Variants in PATZ1 observed in about 807,000 individuals in gnomAD.
The protein encoded by PATZ1 is POZ/BTB and AT hook containing zinc finger 1.
Under a neutral mutation model 46.2 loss-of-function variants are expected in PATZ1, and 9 were observed. That is an observed-to-expected ratio of 0.19 (90% CI 0.12 to 0.34). The LOEUF is 0.34. Ranked by LOEUF, PATZ1 falls within the 10% of genes least tolerant of loss-of-function variation. The pLI is 1.00. For missense variants in PATZ1, 632 were observed against 923.0 expected (o/e 0.68, Z 4.08); for synonymous variants, 426 against 378.6 (o/e 1.13, Z -1.45).
rs1460875506 is a variant in PATZ1, at chr22:31,345,314, C to T, written c.289G>A (p.Gly97Arg). Residue 97 changes from glycine (G) to arginine (R), a missense_variant, in exon 1 of 5, where the codon GGG becomes AGG. Transcript: ENST00000266269. This position sits in a 1 kb window ranked among gnomAD's most constrained non-coding sequence, Gnocchi z 7.4. The part of the protein sequence containing the change: ...VGGATAAPGG[G>R]AGGSRELEMH... ...TCCAGCTCCCGGCTGCCCCCGGCCC[C>T]GCCGCCTGGTGCTGCCGTCGCGCCC... is the stretch of plus-strand genomic sequence containing the variant. The T allele has an allele frequency of 1.9e-6, 3 of 1,610,894 alleles. No homozygotes were observed. Among genetic ancestry groups the T allele is most frequent in the Non-Finnish European group, 2.5e-6 (3 of 1,178,114 alleles).
rs549326827 is a variant in PATZ1, at chr22:31,327,041, G to C, written c.1914C>G (p.Asp638Glu). 6.2e-7 allele frequency: 1 copy of C among 1,614,246 alleles called. No homozygotes were observed. Among genetic ancestry groups the C allele is most frequent in the African/African-American group, 1.3e-5 (1 of 75,068 alleles). The change falls in exon 5 of 5, where the codon GAC becomes GAG. Residue 638 changes from aspartate (D) to glutamate (E), a missense_variant. This residue lies in a region of PATZ1 where 176 missense variants were observed against 249.4 expected (regional missense o/e 0.71). Transcript: ENST00000266269. The surrounding 1 kb of genome is among the most constrained non-coding windows in gnomAD (Gnocchi z 4.2). ...AAGGTGAGCCAAGGGCAGGGCCCAG[G>C]TCCCCCAGGGGGCCCCCGAGAGCCC... ...HVRALGGPLG[D>E]LGPALGSPFS...
chr22:31,331,655 T>G (rs866332729), intron 3 of PATZ1, among the ~76,000 whole-genome samples: 1 of 152,192 alleles, frequency 6.6e-6, no homozygotes, highest in African/African-American at 2.4e-5. Context: ...CCTTAGTTTT[T>G]TAATCCCTTG....
chr22:31,343,170 A>G (rs1442680499), intron 1 of PATZ1: 2 of 1,306,354 alleles, frequency 1.5e-6, no homozygotes, highest in African/African-American at 1.5e-5. Context: ...GGAGGGGGGA[A>G]GAGAAATGGG....
At chr22:31,340,981 T>C (rs1014890193) in intron 2 of PATZ1, 27 of 1,072,360 alleles carry the variant, frequency 2.5e-5, no homozygotes, top group Non-Finnish European at 3.1e-5. Flanking sequence ...GCCAGTCTTC[T>C]CTGGAGGCCG....
At chr22:31,334,956 CACAG>C (rs759745902) in intron 3 of PATZ1, among the ~76,000 whole-genome samples, 1 of 152,354 alleles carries the variant, frequency 6.6e-6, no homozygotes, top group South Asian at 2.1e-4. Context: ...CCTCCTTTAG[CACAG>C]ACACAGTGCA....
chr22:31,341,179 C>T (rs2049575570), intron 2 of PATZ1: 1 of 1,238,378 alleles, frequency 8.1e-7, no homozygotes, highest in Non-Finnish European at 1.0e-6. Flanking sequence ...GGGGAAAAGG[C>T]AAGAGAGCCC....
At chr22:31,341,825 A>T (rs1164545934) in intron 2 of PATZ1, 6 of 733,148 alleles carry the variant, frequency 8.2e-6, no homozygotes, top group Non-Finnish European at 1.3e-5. Context: ...AGAATCAGAG[A>T]CAGAGAGAGA....
In PATZ1 at chr22:31,344,502, C is replaced by G. The variant is rs537669109; in HGVS notation, c.1101G>C (p.Val367=). ...CEICGKIFRD[V]YHLNRHKLSH... is the part of the protein sequence containing the mutation. ...ACAGCTTGTGCCGGTTAAGATGATACACATCACGGAAGATCTTGCCGCAGA... is the reference window on the plus strand; with the variant it reads ...ACAGCTTGTGCCGGTTAAGATGATAGACATCACGGAAGATCTTGCCGCAGA... Residue 367 remains valine (V), a synonymous_variant, in exon 1 of 5, where the codon GTG becomes GTC. Coordinates refer to ENST00000266269, the MANE Select transcript of PATZ1 (RefSeq NM_014323.3). 1 of 1,614,238 alleles carries G rather than the reference C, an allele frequency of 6.2e-7. No individual in the cohort carries two copies. The highest frequency in any genetic ancestry group is 1.1e-5 in the South Asian group (1 of 91,084).
intron 3 of PATZ1, among the ~76,000 whole-genome samples, chr22:31,330,344 CA>C (rs2049424136): frequency 6.6e-6 from 1 of 152,104 alleles, no homozygotes; most frequent in Non-Finnish European, 1.5e-5. Context: ...GTGGGCAGAT[CA>C]CGAGGTCAGG....
chr22:31,331,195 A>G (rs1368164233), intron 3 of PATZ1, among the ~76,000 whole-genome samples: 2 of 152,166 alleles, frequency 1.3e-5, no homozygotes, highest in South Asian at 4.1e-4. Context: ...GGCTAATGGG[A>G]AAGAGGCTGT....
chr22:31,344,282 C>T, intron 1 of PATZ1, 50 bp downstream of exon 1: 1 of 1,500,092 alleles, frequency 6.7e-7, no homozygotes, highest in Non-Finnish European at 9.0e-7. Context: ...GGAGCCTTTT[C>T]AGGACTAAGA....
intron 3 of PATZ1, among the ~76,000 whole-genome samples, chr22:31,331,966 CG>C (rs1234195252): frequency 1.1e-4 from 17 of 152,156 alleles, no homozygotes; most frequent in African/African-American, 4.1e-4. Flanking sequence ...CAAAATTAGC[CG>C]GGCGTGGTGG....
rs41282569 is a variant in PATZ1 at position 31,344,682 on chromosome 22, G to A, written c.921C>T (p.Leu307=). 43 of 1,613,940 alleles carry A rather than the reference G, an allele frequency of 2.7e-5. No individual in the cohort carries two copies. The highest frequency in any genetic ancestry group is 3.6e-5 in the Non-Finnish European group (42 of 1,179,998). The part of the protein sequence containing the change: ...CGKVFTDANR[L]RQHEAQHGVT... The stretch of plus-strand genomic sequence containing the variant: ...CACCGTGCTGGGCCTCGTGCTGCCG[G>A]AGCCGGTTGGCATCAGTGAACACCT... The change falls in exon 1 of 5, where the codon CTC becomes CTT. Residue 307 remains leucine (L), a synonymous_variant. Transcript: ENST00000266269.
chr22:31,345,375 G>A lies in PATZ1; in HGVS notation c.228C>T (p.Asp76=), dbSNP rs750212807. 7 of 1,606,958 alleles carry A rather than the reference G, an allele frequency of 4.4e-6. No individual in the cohort carries two copies. The highest frequency in any genetic ancestry group is 3.4e-6 in the Non-Finnish European group (4 of 1,175,464). The change falls in exon 1 of 5, where the codon GAC becomes GAT. Residue 76 remains aspartate, a synonymous_variant. Transcript: ENST00000266269. The surrounding 1 kb of genome is among the most constrained non-coding windows in gnomAD (Gnocchi z 7.4). ...FESVFSAQLG[D]GGAADGGPAD... is the part of the protein sequence containing the mutation. ...CCGGACCCCCGTCCGCAGCTCCGCC[G>A]TCGCCCAACTGGGCGCTGAACACCG...
At chr22:31,330,384 G>A (rs2049424785) in intron 3 of PATZ1, among the ~76,000 whole-genome samples, 1 of 152,128 alleles carries the variant, frequency 6.6e-6, no homozygotes, top group African/African-American at 2.4e-5. Flanking sequence ...CTAACACAGT[G>A]AAACCCCGTC....
rs1220716386 is a variant in PATZ1, at chr22:31,327,362, C to G, written c.1646-53G>C. On this transcript the variant is annotated intron_variant, in intron 4 of 4. Transcript: ENST00000266269. This position sits in a 1 kb window ranked among gnomAD's most constrained non-coding sequence, Gnocchi z 4.2. The stretch of plus-strand genomic sequence containing the variant: ...GATGAGGCCAGGCTCTGGAGATGCC[C>G]CCTCCTGGAGGGGTCATGAGGGGCC... The G allele has an allele frequency of 6.0e-6, 9 of 1,504,018 alleles. No individual in the cohort carries two copies. 93.2% of individuals were successfully genotyped at this position (1,504,018 alleles called of 1,614,324 possible).
chr22:31,341,430 G>C (rs759482304), intron 2 of PATZ1: 2 of 1,574,868 alleles, frequency 1.3e-6, no homozygotes, highest in Admixed American at 3.6e-5. Context: ...CTGGGTAAAG[G>C]CCCTGCTGCC....
Position 31,345,790 on chromosome 22 carries a change from G to C in PATZ1, c.-188C>G. The C allele has an allele frequency of 1.8e-6, 1 of 546,482 alleles. No homozygotes were observed. Among genetic ancestry groups the C allele is most frequent in the Non-Finnish European group, 3.1e-6 (1 of 323,816 alleles). The allele number at this position is 546,482 out of a possible 1,614,324, so 33.9% of individuals were successfully genotyped here. A position where few individuals can be genotyped will look rare whatever the true frequency, so the allele number is the denominator to read the frequency against. ...CCGGATCAGACTGTCTAGACTGCGG[G>C]GTGCACCACCCCCCACATAGCCAAC... On this transcript the variant is annotated 5_prime_UTR_variant, in exon 1 of 5. Transcript: ENST00000266269. This position sits in a 1 kb window ranked among gnomAD's most constrained non-coding sequence, Gnocchi z 7.4.
At chr22:31,341,203 G>A (rs2049575993) in intron 2 of PATZ1, 2 of 1,256,842 alleles carry the variant, frequency 1.6e-6, no homozygotes, top group African/African-American at 1.5e-5. Flanking sequence ...AAGAAACTTG[G>A]ATGCTATAGG....
Sources: allele counts gnomAD v4.1 joint callset (sites outside exome capture counted in the v4.1 genomes callset), GRCh38; gene constraint gnomAD v4.1.1; regional missense constraint gnomAD v4.1.1; non-coding constraint Gnocchi (gnomAD v3.1); transcripts MANE v1.5; gene names NCBI Gene and HGNC (gene_info 2026-07-23, HGNC 2026-07-21).